Variants in PDGFB observed in about 807,000 individuals in gnomAD.
PDGFB encodes the protein platelet-derived growth factor subunit B.
PDGFB carries 6 observed loss-of-function variants against 29.0 expected under a neutral mutation model. The ratio of observed to expected loss-of-function variants is 0.21; its 90% CI spans 0.11 to 0.41. The LOEUF is 0.41. Among genes scored for constraint, PDGFB ranks in the 10% least tolerant of loss-of-function variants. The probability of loss-of-function intolerance (pLI) is 1.00; values close to 1 mark genes in which losing one functional copy is unlikely to be tolerated. For synonymous variants in PDGFB, 144 were observed against 140.8 expected, an observed-to-expected ratio of 1.02 and a Z score of -0.16; for missense variants, 299 against 341.8, an observed-to-expected ratio of 0.87 and a Z score of 0.99.
At chr22:39,225,650 G>A in intron 6 of PDGFB, 45 bp downstream of exon 6, 2 of 1,553,378 alleles carry the variant, frequency 1.3e-6, no homozygotes, top group Non-Finnish European at 1.7e-6. Context: ...CCACAGAGAA[G>A]AAAACACAGG....
Position 39,231,846 on chromosome 22 carries a change from T to G in PDGFB, c.251-19A>C. 1 of 1,607,624 alleles carries G rather than the reference T, an allele frequency of 6.2e-7. No individual in the cohort carries two copies. Among genetic ancestry groups the G allele is most frequent in the Non-Finnish European group, 8.5e-7 (1 of 1,178,104 alleles). ...AGGGAACCTGGGAGGAGACGAAACCTGGGTCAGGAGCGTAGGCCTGTCCAG... is the reference window on the plus strand; with the variant it reads ...AGGGAACCTGGGAGGAGACGAAACCGGGGTCAGGAGCGTAGGCCTGTCCAG... On this transcript the variant is annotated intron_variant, in intron 3 of 6. Coordinates refer to ENST00000331163, the MANE Select transcript of PDGFB (RefSeq NM_002608.4). The surrounding 1 kb of genome is among the most constrained non-coding windows in gnomAD (Gnocchi z 4.3).
intron 1 of PDGFB, among the ~76,000 whole-genome samples, chr22:39,238,707 T>G (rs1008227637): frequency 1.3e-5 from 2 of 152,254 alleles, no homozygotes; most frequent in African/African-American, 4.8e-5. Flanking sequence ...CTCCCTCTCC[T>G]GTGTTCTAAG....
intron 2 of PDGFB, among the ~76,000 whole-genome samples, chr22:39,235,432 G>T (rs1932418137): frequency 6.6e-6 from 1 of 152,190 alleles, no homozygotes; most frequent in South Asian, 2.1e-4. Context: ...GGGGCGGGGA[G>T]ATGACTCCTC....
In PDGFB at chr22:39,231,723, G is replaced by C. The variant is rs1361748624; in HGVS notation, c.355C>G (p.Leu119Val). Residue 119 changes from leucine to valine, a missense_variant, in exon 4 of 7, where the codon CTG becomes GTG. By Grantham distance (32) the Leu-to-Val change is conservative. Transcript: ENST00000331163. This position sits in a 1 kb window ranked among gnomAD's most constrained non-coding sequence, Gnocchi z 4.3. ...RLIDRTNANF[L>V]VWPPCVEVQR... is the part of the protein sequence containing the mutation. ...ACCTCCACACAGGGCGGCCACACCA[G>C]GAAGTTGGCGTTGGTGCGGTCTATG... 17 of 1,611,786 alleles carry C rather than the reference G, an allele frequency of 1.1e-5. No homozygotes were observed. The highest frequency in any genetic ancestry group is 1.4e-5 in the Non-Finnish European group (16 of 1,179,308).
At position 39,240,581 on chromosome 22, in the gene PDGFB, C is replaced by G. The variant is rs2857402; in HGVS notation, c.63+3320G>C. On this transcript the variant is annotated intron_variant, in intron 1 of 6. Transcript: ENST00000331163. ...CCCTCGGAGCAGAGCAAAGCGAGGACTCAGTGGGGCCATGGAGCAACAGGG... is the reference window on the plus strand; with the variant it reads ...CCCTCGGAGCAGAGCAAAGCGAGGAGTCAGTGGGGCCATGGAGCAACAGGG... Among the ~76,000 whole-genome samples, 112,681 of 151,726 alleles carry G rather than the reference C, an allele frequency of 0.74. 42,089 individuals carry two copies. The highest frequency in any genetic ancestry group is 0.9 in the East Asian group (4,618 of 5,126).
intron 5 of PDGFB, among the ~76,000 whole-genome samples, chr22:39,227,632 T>C (rs1932199316): frequency 6.6e-6 from 1 of 151,968 alleles, no homozygotes; most frequent in Admixed American, 6.5e-5. Context: ...GCCTCTAGAG[T>C]GCACACCTCC....
At chr22:39,235,709 G>A in intron 2 of PDGFB, 69 bp downstream of exon 2, 2 of 1,119,098 alleles carry the variant, frequency 1.8e-6, no homozygotes, top group Non-Finnish European at 2.7e-6. Flanking sequence ...GATGCCTCCT[G>A]TCCTGCCCCT....
At chr22:39,234,694 T>A (rs1932397898) in intron 2 of PDGFB, among the ~76,000 whole-genome samples, 2 of 152,200 alleles carry the variant, frequency 1.3e-5, no homozygotes, top group East Asian at 3.9e-4. Context: ...GGGGAGGAGA[T>A]GGGGAAAAGA....
Position 39,235,821 on chromosome 22 carries a change from G to T in PDGFB, c.117C>A (p.Arg39=). 1 of 1,614,032 alleles carries T rather than the reference G, an allele frequency of 6.2e-7. No individual in the cohort carries two copies. Among genetic ancestry groups the T allele is most frequent in the Non-Finnish European group, 8.5e-7 (1 of 1,179,974 alleles). ...GCAGGCGTTGGAGATCATCAAAGGA[G>T]CGGATCGAGTGGTCACTCAGCATCT... is the stretch of plus-strand genomic sequence containing the variant. ...LYEMLSDHSI[R]SFDDLQRLLH... Residue 39 remains arginine, a synonymous_variant, in exon 2 of 7, where the codon CGC becomes CGA. Coordinates refer to ENST00000331163, the MANE Select transcript of PDGFB (RefSeq NM_002608.4).
chr22:39,235,888 A>G lies in PDGFB; in HGVS notation c.64-14T>C, dbSNP rs1932432094. ...AATGGGGTCCCCCTGCCGGGCAGACACCAAAAGGCTGAGTGAGCTGGGAGT... is the reference window on the plus strand; with the variant it reads ...AATGGGGTCCCCCTGCCGGGCAGACGCCAAAAGGCTGAGTGAGCTGGGAGT... On this transcript the variant is annotated splice_polypyrimidine_tract_variant and intron_variant, in intron 1 of 6. Transcript: ENST00000331163. 1 of 1,590,918 alleles carries G rather than the reference A, an allele frequency of 6.3e-7. No homozygotes were observed. Among genetic ancestry groups the G allele is most frequent in the Non-Finnish European group, 8.6e-7 (1 of 1,159,772 alleles).
In PDGFB at chr22:39,242,697, C is replaced by T. The variant is rs1431328200; in HGVS notation, c.63+1204G>A. ...CTGGCGGCAGCCCAAGGCCGGGCCG[C>T]GGCCTCCGAGCCCTCCGCCTTAACC... On this transcript the variant is annotated intron_variant, in intron 1 of 6. Transcript: ENST00000331163. This position sits in a 1 kb window ranked among gnomAD's most constrained non-coding sequence, Gnocchi z 5.7. Among the ~76,000 whole-genome samples, 2 of 152,012 alleles carry T rather than the reference C, an allele frequency of 1.3e-5. No homozygotes were observed. The highest frequency in any genetic ancestry group is 2.9e-5 in the Non-Finnish European group (2 of 67,954).
In PDGFB at chr22:39,223,613, G is replaced by C. The variant is rs1055421105; in HGVS notation, c.*1729C>G. ...TGAGAGGAACACGCCGCAAGCTGTC[G>C]GCACATCCTGCCAAGGCAGAAAGGT... On this transcript the variant is annotated 3_prime_UTR_variant, in exon 7 of 7. Transcript: ENST00000331163. The C allele has an allele frequency of 6.5e-6, 1 of 152,748 alleles. No individual in the cohort carries two copies. The highest frequency in any genetic ancestry group is 2.4e-5 in the African/African-American group (1 of 41,442). The allele number at this position is 152,748 out of a possible 1,614,324, so 9.5% of individuals were successfully genotyped here.
intron 5 of PDGFB, among the ~76,000 whole-genome samples, chr22:39,226,296 G>C (rs1190509477): frequency 6.6e-6 from 1 of 152,246 alleles, no homozygotes; most frequent in African/African-American, 2.4e-5. Context: ...TGCCGTGCCA[G>C]TTCCAGGCAG....
intron 2 of PDGFB, 113 bp downstream of exon 2, chr22:39,235,665 T>C: frequency 1.3e-6 from 1 of 749,408 alleles, no homozygotes; most frequent in Non-Finnish European, 2.2e-6. Context: ...TGGGCTGCCA[T>C]GGGCCTCTAG....
intron 3 of PDGFB, among the ~76,000 whole-genome samples, chr22:39,232,317 G>A (rs1932328967): frequency 6.6e-6 from 1 of 152,160 alleles, no homozygotes; most frequent in African/African-American, 2.4e-5. Flanking sequence ...TATGAAATGG[G>A]ATAATAACAG....
intron 3 of PDGFB, among the ~76,000 whole-genome samples, chr22:39,232,886 T>G (rs1932344230): frequency 6.6e-6 from 1 of 152,236 alleles, no homozygotes; most frequent in Non-Finnish European, 1.5e-5. Flanking sequence ...AGTGGACATT[T>G]GCCTCACCTG....
rs1011585821 is a variant in PDGFB, at chr22:39,244,351, C to A, written c.-388G>T. ...CACGGCAGTCGATGGTTCGTCTTCA[C>A]TCGCCGGCTACAGGCGTTTTCCTCT... On this transcript the variant is annotated 5_prime_UTR_variant, in exon 1 of 7. Coordinates refer to ENST00000331163, the MANE Select transcript of PDGFB (RefSeq NM_002608.4). The surrounding 1 kb of genome is among the most constrained non-coding windows in gnomAD (Gnocchi z 4.5). The A allele has an allele frequency of 6.1e-5, 12 of 198,024 alleles. No individual in the cohort carries two copies. The highest frequency in any genetic ancestry group is 1.8e-4 in the Admixed American group (3 of 16,430). The allele number at this position is 198,024 out of a possible 1,614,324, so 12.3% of individuals were successfully genotyped here.
At chr22:39,241,256 G>A (rs1309115174) in intron 1 of PDGFB, 7 of 421,152 alleles carry the variant, frequency 1.7e-5, no homozygotes, top group African/African-American at 5.9e-5. Context: ...GCTGCCTGCC[G>A]TCTGCTGAAA....
At chr22:39,228,828 G>T (rs765144222) in intron 5 of PDGFB, among the ~76,000 whole-genome samples, 5 of 150,446 alleles carry the variant, frequency 3.3e-5, no homozygotes, top group Non-Finnish European at 7.4e-5. Context: ...GGTAGAGGTT[G>T]CAGTGAGCCA....
Sources: allele counts gnomAD v4.1 joint callset (sites outside exome capture counted in the v4.1 genomes callset), GRCh38; gene constraint gnomAD v4.1.1; non-coding constraint Gnocchi (gnomAD v3.1); transcripts MANE v1.5; gene names NCBI Gene and HGNC (gene_info 2026-07-23, HGNC 2026-07-21).